The following SLC51A variants were observed in gnomAD, a reference collection of about 807,000 sequenced individuals.
The protein encoded by SLC51A is solute carrier family 51 member A, also known as organic solute transporter subunit alpha.
SLC51A carries 22 observed loss-of-function variants against 34.8 expected under a neutral mutation model. That is an observed-to-expected ratio of 0.63 (90% CI 0.45 to 0.90). SLC51A has a LOEUF of 0.90. SLC51A is among the 40% of genes least tolerant of loss of function. The pLI, the probability that SLC51A is intolerant of heterozygous loss-of-function variation, is 0.00. For missense variants in SLC51A, 371 were observed against 414.8 expected, an observed-to-expected ratio of 0.89 and a Z score of 0.92; for synonymous variants, 181 against 176.3, an observed-to-expected ratio of 1.03 and a Z score of -0.21.
At chr3:196,221,727 T>G (rs1199158591) in intron 2 of SLC51A, among the ~76,000 whole-genome samples, 5 of 151,858 alleles carry the variant, frequency 3.3e-5, no homozygotes, top group African/African-American at 1.2e-4. Context: ...TTGTTTTTTT[T>G]TTTTAAGAGA....
chr3:196,232,656 A>G, intron 8 of SLC51A, 132 bp downstream of exon 8: 1 of 689,296 alleles, frequency 1.5e-6, no homozygotes, highest in East Asian at 2.7e-5. Flanking sequence ...TCTTCGGGAA[A>G]TCCCAACAGA....
chr3:196,218,510 T>C (rs1393157615), intron 2 of SLC51A, among the ~76,000 whole-genome samples: 1 of 152,180 alleles, frequency 6.6e-6, no homozygotes, highest in Non-Finnish European at 1.5e-5. Flanking sequence ...GGTGGACAGA[T>C]GGGATTCAAA....
At position 196,216,949 on chromosome 3, in the gene SLC51A, G is replaced by GC. The variant is rs1373610341; in HGVS notation, c.38+205dup. Among the ~76,000 whole-genome samples the GC allele has an allele frequency of 2.6e-5, 4 of 152,224 alleles. No homozygotes were observed. The highest frequency in any genetic ancestry group is 9.6e-5 in the African/African-American group (4 of 41,458). ...TGTGACACTCCAGGGCCTCGGCCTTGCCCCCCAGCGTGGGGAGAGAAAGGT... is the reference window on the plus strand; with the variant it reads ...TGTGACACTCCAGGGCCTCGGCCTTGCCCCCCCAGCGTGGGGAGAGAAAGGT... On this transcript the variant is annotated intron_variant, in intron 1 of 8. Transcript: ENST00000296327. This position sits in a 1 kb window ranked among gnomAD's most constrained non-coding sequence, Gnocchi z 4.5.
At position 196,228,751 on chromosome 3, in the gene SLC51A, C is replaced by T. The variant is rs527715585; in HGVS notation, c.522-58C>T. 8.8e-5 allele frequency: 128 copies of T among 1,448,156 alleles called. No homozygotes were observed. The highest frequency in any genetic ancestry group is 2.0e-4 in the Middle Eastern group (1 of 5,006). 89.7% of individuals were successfully genotyped at this position (1,448,156 alleles called of 1,614,324 possible). A position where few individuals can be genotyped will look rare whatever the true frequency, so the allele number is the denominator to read the frequency against. On this transcript the variant is annotated intron_variant, in intron 5 of 8. Transcript: ENST00000296327. This position sits in a 1 kb window ranked among gnomAD's most constrained non-coding sequence, Gnocchi z 4.9. ...CCAGGAGCCCTGTGAGGAGCCGGGG[C>T]GTCTTCCTGGGGCAGGGGGTTTGTG...
chr3:196,228,938 G>A lies in SLC51A; in HGVS notation c.633+18G>A, dbSNP rs761756394. The A allele has an allele frequency of 9.5e-6, 15 of 1,576,556 alleles. No individual in the cohort carries two copies. In the South Asian group the frequency reaches 1.4e-4, roughly 15 times the overall value. ...CAGCAGACGTAAGCCGGGAGTAAGG[G>A]ACAGCACAGTCCAAGACTCATTTAG... is the stretch of plus-strand genomic sequence containing the variant. On this transcript the variant is annotated intron_variant, in intron 6 of 8. Transcript: ENST00000296327. This position sits in a 1 kb window ranked among gnomAD's most constrained non-coding sequence, Gnocchi z 4.9.
At position 196,232,368 on chromosome 3, in the gene SLC51A, T is replaced by C. The variant is rs1277534733; in HGVS notation, c.781-51T>C. The C allele has an allele frequency of 5.5e-6, 8 of 1,465,292 alleles. No individual in the cohort carries two copies. The African/African-American group carries it at 8.3e-5, about 15-fold the overall frequency. The allele number at this position is 1,465,292 out of a possible 1,614,324, so 90.8% of individuals were successfully genotyped here. ...CCGGCAGTGGGCTGGCTGCGTTCTG[T>C]GCCGTGAGGGCAGGCCCAGTCCACC... is the stretch of plus-strand genomic sequence containing the variant. On this transcript the variant is annotated intron_variant, in intron 7 of 8. Transcript: ENST00000296327.
chr3:196,233,210 T>C lies in SLC51A; in HGVS notation c.*11T>C, dbSNP rs767606761. The C allele has an allele frequency of 9.3e-6, 15 of 1,614,050 alleles. No individual in the cohort carries two copies. Among genetic ancestry groups the C allele is most frequent in the Non-Finnish European group, 1.3e-5 (15 of 1,179,954 alleles). ...AACCTCAAAGCCTAAGGTGGATGGC[T>C]TGGACAATGAAAGGATGCTGTACTC... On this transcript the variant is annotated 3_prime_UTR_variant, in exon 9 of 9. Transcript: ENST00000296327.
intron 7 of SLC51A, among the ~76,000 whole-genome samples, chr3:196,230,684 A>G (rs939439915): frequency 1.3e-5 from 2 of 151,840 alleles, no homozygotes; most frequent in Non-Finnish European, 2.9e-5. Flanking sequence ...GGGTTTCGCT[A>G]TGTTGGCCAG....
At chr3:196,232,793 G>C (rs1302668222) in intron 8 of SLC51A, 1 of 580,232 alleles carries the variant, frequency 1.7e-6, no homozygotes. Flanking sequence ...GAGAGGAATG[G>C]GAATGGTTAA....
In SLC51A at chr3:196,217,904, C is replaced by T. The variant is rs768150133; in HGVS notation, c.101C>T (p.Ser34Phe). The change falls in exon 2 of 9, where the codon TCT (serine) becomes TTT (phenylalanine). Residue 34 changes from serine (S) to phenylalanine (F), a missense_variant. By Grantham distance (155) the Ser-to-Phe change is radical. Transcript: ENST00000296327. ...TACGGCATCCCCTCCGCCTGCTTCTCTCAGCCTCCCACAGCAGCCCAACTC... is the reference window on the plus strand; with the variant it reads ...TACGGCATCCCCTCCGCCTGCTTCTTTCAGCCTCCCACAGCAGCCCAACTC... ...TNYGIPSACF[S>F]QPPTAAQLLR... 2.5e-6 allele frequency: 4 copies of T among 1,613,330 alleles called. No homozygotes were observed. The African/African-American group carries it at 5.3e-5, about 22-fold the overall frequency.
intron 7 of SLC51A, among the ~76,000 whole-genome samples, chr3:196,231,946 T>C (rs997646372): frequency 3.3e-5 from 5 of 152,226 alleles, no homozygotes; most frequent in Admixed American, 2.0e-4. Context: ...ACCGTCCATC[T>C]CCAGGCACCC....
rs78736929 is a variant in SLC51A at position 196,228,332 on chromosome 3, T to G, written c.521+59T>G. 40 of 1,558,658 alleles carry G rather than the reference T, an allele frequency of 2.6e-5. No homozygotes were observed. In the East Asian group the frequency reaches 9.0e-4, roughly 35 times the overall value. ...CGGGGAGCCTCTCCTGGACCCCTGGTCCCCTTCAAGGCTCTGGGAATTAGG... is the reference window on the plus strand; with the variant it reads ...CGGGGAGCCTCTCCTGGACCCCTGGGCCCCTTCAAGGCTCTGGGAATTAGG... On this transcript the variant is annotated intron_variant, in intron 5 of 8. Transcript: ENST00000296327. The surrounding 1 kb of genome is among the most constrained non-coding windows in gnomAD (Gnocchi z 4.9).
chr3:196,223,743 A>G (rs1723824644), intron 2 of SLC51A: 4 of 309,606 alleles, frequency 1.3e-5, no homozygotes, highest in South Asian at 6.8e-5. Flanking sequence ...TAGTTAAAAA[A>G]AAAAAAAGAA....
intron 2 of SLC51A, among the ~76,000 whole-genome samples, chr3:196,224,513 G>A (rs1251532953): frequency 2.0e-5 from 3 of 151,450 alleles, no homozygotes; most frequent in Non-Finnish European, 4.4e-5. Flanking sequence ...CCAACATGGC[G>A]AAAACCGTCT....
Position 196,228,764 on chromosome 3 carries a change from C to T in SLC51A, c.522-45C>T, listed in dbSNP as rs780543950. The T allele has an allele frequency of 6.5e-7, 1 of 1,546,648 alleles. No individual in the cohort carries two copies. Among genetic ancestry groups the T allele is most frequent in the Non-Finnish European group, 8.9e-7 (1 of 1,119,212 alleles). ...GAGGAGCCGGGGCGTCTTCCTGGGG[C>T]AGGGGGTTTGTGGGCCCATGTTCCT... On this transcript the variant is annotated intron_variant, in intron 5 of 8. Coordinates refer to ENST00000296327, the MANE Select transcript of SLC51A (RefSeq NM_152672.6). The surrounding 1 kb of genome is among the most constrained non-coding windows in gnomAD (Gnocchi z 4.9).
chr3:196,228,242 T>C lies in SLC51A; in HGVS notation c.490T>C (p.Cys164Arg). Residue 164 changes from cysteine to arginine, a missense_variant, in exon 5 of 9, where the codon TGC becomes CGC. Cys to Arg is a radical substitution (Grantham distance 180). Coordinates refer to ENST00000296327, the MANE Select transcript of SLC51A (RefSeq NM_152672.6). This position sits in a 1 kb window ranked among gnomAD's most constrained non-coding sequence, Gnocchi z 4.9. ...CCACACAGGCCCCTGCTGCTGCTGC[T>C]GCCCCTGCTGTCCACGGCTGCTGCT... ...MVHTGPCCCC[C>R]PCCPRLLLTR... is the part of the protein sequence containing the mutation. 1.2e-6 allele frequency: 2 copies of C among 1,613,084 alleles called. No homozygotes were observed. Among genetic ancestry groups the C allele is most frequent in the Admixed American group, 1.7e-5 (1 of 60,010 alleles).
At chr3:196,219,080 G>A (rs2108752562) in intron 2 of SLC51A, among the ~76,000 whole-genome samples, 1 of 152,176 alleles carries the variant, frequency 6.6e-6, no homozygotes, top group Non-Finnish European at 1.5e-5. Flanking sequence ...ACAAAAATTA[G>A]CCAGGCGTGG....
intron 2 of SLC51A, among the ~76,000 whole-genome samples, chr3:196,221,925 A>G (rs1404955430): frequency 1.3e-5 from 2 of 150,950 alleles, no homozygotes; most frequent in African/African-American, 4.9e-5. Flanking sequence ...TCACCGTGTT[A>G]GTCAGGATGG....
chr3:196,225,100 A>T (rs1412823362), intron 2 of SLC51A, among the ~76,000 whole-genome samples: 1 of 146,762 alleles, frequency 6.8e-6, no homozygotes, highest in Non-Finnish European at 1.5e-5. Flanking sequence ...CCTCTCCCGG[A>T]GTAGCTGGGA....
Sources: gnomAD v4.1 joint callset for allele counts (sites outside exome capture counted in the v4.1 genomes callset) on GRCh38, gnomAD v4.1.1 for gene constraint, Gnocchi (gnomAD v3.1) non-coding constraint, MANE v1.5 for transcripts, NCBI Gene and HGNC (gene_info 2026-07-23, HGNC 2026-07-21) for gene names.